EHMT1: variants seen among roughly 807,000 people sequenced by gnomAD.
EHMT1 encodes the protein euchromatic histone lysine methyltransferase 1.
Under a neutral mutation model 147.2 loss-of-function variants are expected in EHMT1, and 15 were observed. The ratio of observed to expected loss-of-function variants is 0.10; its 90% CI spans 0.07 to 0.16. The LOEUF (loss-of-function observed/expected upper bound fraction) is 0.16, where lower values mean the gene tolerates loss of function less well. Among genes scored for constraint, EHMT1 ranks in the 10% least tolerant of loss-of-function variants. The pLI, the probability that EHMT1 is intolerant of heterozygous loss-of-function variation, is 1.00. For synonymous variants in EHMT1, 795 were observed against 709.6 expected (o/e 1.12, Z -1.91); for missense variants, 1,587 against 1,772.4 (o/e 0.90, Z 1.88).
chr9:137,721,223 C>CG (rs1206297172), intron 3 of EHMT1, among the ~76,000 whole-genome samples: 83 of 106,630 alleles, frequency 7.8e-4, no homozygotes, highest in Non-Finnish European at 1.3e-3. Flanking sequence ...TTCTCACACT[C>CG]ACCCCTCCCA....
rs908841575 is a variant in EHMT1, at chr9:137,755,682, A to G, written c.1369+1391A>G. Among the ~76,000 whole-genome samples, 32 of 152,334 alleles carry G rather than the reference A, an allele frequency of 2.1e-4. No individual in the cohort carries two copies. In the South Asian group the frequency reaches 2.5e-3, roughly 12 times the overall value. On this transcript the variant is annotated intron_variant, in intron 8 of 26. Transcript: ENST00000460843. Reference sequence around the variant, plus strand: ...CAAGCACTCGTCCTGTTTTAGGTCCAGACAACACACAAGCATTCCAGTTCC... The same window carrying G: ...CAAGCACTCGTCCTGTTTTAGGTCCGGACAACACACAAGCATTCCAGTTCC...
intron 4 of EHMT1, among the ~76,000 whole-genome samples, chr9:137,738,222 CAAA>C (rs150259101): frequency 2.7e-5 from 4 of 147,878 alleles, no homozygotes; most frequent in Non-Finnish European, 4.5e-5. Flanking sequence ...AAAAAAACAA[CAAA>C]AAAAACCCAA....
intron 10 of EHMT1, chr9:137,764,589 C>A (rs185566871): frequency 1.2e-4 from 19 of 152,316 alleles, no homozygotes; most frequent in African/African-American, 2.2e-4. Flanking sequence ...CTATTAAGAT[C>A]AAAAATGGAC....
intron 7 of EHMT1, among the ~76,000 whole-genome samples, chr9:137,753,362 C>T (rs1949127297): frequency 6.6e-6 from 1 of 152,202 alleles, no homozygotes; most frequent in South Asian, 2.1e-4. Flanking sequence ...AGATTTCCAG[C>T]AGCAGCAGCT....
chr9:137,715,476 A>G (rs930293534), intron 2 of EHMT1: 1 of 935,798 alleles, frequency 1.1e-6, no homozygotes, highest in African/African-American at 1.8e-5. Context: ...GACGGCCAGC[A>G]TGACAGATGA....
intron 25 of EHMT1, among the ~76,000 whole-genome samples, chr9:137,829,970 A>G (rs548743453): frequency 6.6e-6 from 1 of 152,372 alleles, no homozygotes; most frequent in South Asian, 2.1e-4. Context: ...CCTCAGAGAA[A>G]GGCAAGATCA....
chr9:137,803,314 A>G, intron 18 of EHMT1: 2 of 993,512 alleles, frequency 2.0e-6, no homozygotes, highest in South Asian at 9.4e-5. Context: ...CTGTCGGAAG[A>G]GTGAGCCCAG....
chr9:137,811,131 C>T (rs1361127531), intron 18 of EHMT1, among the ~76,000 whole-genome samples: 1 of 152,124 alleles, frequency 6.6e-6, no homozygotes, highest in East Asian at 1.9e-4. Context: ...AAAGTGCCTC[C>T]AAGTGTTAAT....
chr9:137,764,175 C>T (rs1158498025), intron 10 of EHMT1: 1 of 152,490 alleles, frequency 6.6e-6, no homozygotes, highest in Non-Finnish European at 1.5e-5. Context: ...ACACGTGCTT[C>T]CCTGTGACTT....
chr9:137,829,504 C>G (rs182457812), intron 25 of EHMT1, among the ~76,000 whole-genome samples: 32 of 152,340 alleles, frequency 2.1e-4, no homozygotes, highest in African/African-American at 7.5e-4. Flanking sequence ...TCAGAGTGTG[C>G]CTGTGAATAG....
At chr9:137,627,425 G>T (rs1843336093) in intron 1 of EHMT1, among the ~76,000 whole-genome samples, 1 of 151,402 alleles carries the variant, frequency 6.6e-6, no homozygotes, top group Non-Finnish European at 1.5e-5. Flanking sequence ...ACCACTCCGG[G>T]ATAATTTTTT....
intron 22 of EHMT1, chr9:137,815,744 C>A: frequency 1.6e-6 from 1 of 624,624 alleles, no homozygotes; most frequent in South Asian, 1.7e-5. Context: ...GTCTCCACAA[C>A]CTGTGTGGGC....
chr9:137,682,571 A>C (rs1942055521), intron 1 of EHMT1, among the ~76,000 whole-genome samples: 2 of 152,268 alleles, frequency 1.3e-5, no homozygotes, highest in Admixed American at 1.3e-4. Context: ...CTTGAGATAG[A>C]GGTGTGACCC....
At chr9:137,674,809 G>A (rs1564570361) in intron 1 of EHMT1, 1 of 152,236 alleles carries the variant, frequency 6.6e-6, no homozygotes, top group South Asian at 2.1e-4. Context: ...CCAAAAGCTC[G>A]CTGCATAGTT....
At chr9:137,789,878 A>T (rs6559223) in intron 15 of EHMT1, among the ~76,000 whole-genome samples, 6 of 152,058 alleles carry the variant, frequency 3.9e-5, no homozygotes, top group Admixed American at 6.5e-5. Flanking sequence ...TACAGGCGCC[A>T]GGCACCACGC....
intron 25 of EHMT1, among the ~76,000 whole-genome samples, chr9:137,824,439 GTCCTCATAC>G (rs1038612449): frequency 2.0e-5 from 3 of 151,570 alleles, no homozygotes; most frequent in East Asian, 1.9e-4. Flanking sequence ...GTAGTGTTAG[GTCCTCATAC>G]TCCTCATACT....
chr9:137,789,637 G>T (rs1221535895), intron 15 of EHMT1, among the ~76,000 whole-genome samples: 1 of 152,238 alleles, frequency 6.6e-6, no homozygotes, highest in Non-Finnish European at 1.5e-5. Flanking sequence ...CCCTTGGTCT[G>T]TGGACCCTGC....
intron 2 of EHMT1, among the ~76,000 whole-genome samples, chr9:137,714,184 G>A (rs565779655): frequency 3.6e-4 from 55 of 152,170 alleles, no homozygotes; most frequent in Non-Finnish European, 1.2e-4. Flanking sequence ...TTGAATAGAA[G>A]TGGCAAGACT....
intron 25 of EHMT1, among the ~76,000 whole-genome samples, chr9:137,820,780 A>G (rs1955349069): frequency 1.3e-5 from 2 of 152,156 alleles, no homozygotes; most frequent in African/African-American, 4.8e-5. Context: ...TCCTCGTCCT[A>G]TCAATCAGTC....
Sources: allele counts gnomAD v4.1 joint callset (sites outside exome capture counted in the v4.1 genomes callset), GRCh38; gene constraint gnomAD v4.1.1; transcripts MANE v1.5; gene names NCBI Gene and HGNC (gene_info 2026-07-23, HGNC 2026-07-21).